Variants in LPAR3 observed in about 807,000 individuals in gnomAD.
LPAR3 encodes the protein lysophosphatidic acid receptor 3.
LPAR3 carries 7 observed loss-of-function variants against 17.8 expected under a neutral mutation model. The ratio of observed to expected loss-of-function variants is 0.39; its 90% CI spans 0.22 to 0.74. LPAR3 has a LOEUF of 0.74. Among genes scored for constraint, LPAR3 ranks in the 30% least tolerant of loss-of-function variants. The pLI is 0.40. For synonymous variants in LPAR3, 179 were observed against 179.9 expected, an observed-to-expected ratio of 0.99 and a Z score of 0.04; for missense variants, 391 against 453.4, an observed-to-expected ratio of 0.86 and a Z score of 1.25.
intron 2 of LPAR3, among the ~76,000 whole-genome samples, chr1:84,840,178 C>A (rs2102754121): frequency 6.6e-6 from 1 of 152,316 alleles, no homozygotes; most frequent in East Asian, 1.9e-4. Flanking sequence ...CCTGCCTTGG[C>A]CTCCCAAAAG....
intron 1 of LPAR3, among the ~76,000 whole-genome samples, chr1:84,889,699 C>T (rs1393621570): frequency 6.6e-6 from 1 of 152,186 alleles, no homozygotes; most frequent in Non-Finnish European, 1.5e-5. Context: ...GGAAGAACTG[C>T]AGCAGTGCCC....
chr1:84,881,945 T>C (rs1181236530), intron 1 of LPAR3, among the ~76,000 whole-genome samples: 1 of 152,200 alleles, frequency 6.6e-6, no homozygotes, highest in Non-Finnish European at 1.5e-5. Flanking sequence ...CCCACTCTTA[T>C]CACTGCTATT....
At chr1:84,827,103 C>T (rs1424236811) in intron 2 of LPAR3, among the ~76,000 whole-genome samples, 5 of 152,124 alleles carry the variant, frequency 3.3e-5, no homozygotes, top group South Asian at 2.1e-4. Context: ...AGTCATTCAA[C>T]GGTAAAACCA....
At chr1:84,820,236 CT>C (rs895010937) in intron 2 of LPAR3, among the ~76,000 whole-genome samples, 8 of 152,184 alleles carry the variant, frequency 5.3e-5, no homozygotes, top group African/African-American at 1.9e-4. Context: ...ATACATACGT[CT>C]TGTGTCTCAG....
chr1:84,843,622 G>A (rs1240101681), intron 2 of LPAR3, among the ~76,000 whole-genome samples: 8 of 152,230 alleles, frequency 5.3e-5, no homozygotes, highest in African/African-American at 1.7e-4. Context: ...GCAGAGACTC[G>A]CTGATGGATT....
chr1:84,846,816 C>T (rs1183331121), intron 2 of LPAR3, among the ~76,000 whole-genome samples: 1 of 152,004 alleles, frequency 6.6e-6, no homozygotes, highest in Admixed American at 6.5e-5. Flanking sequence ...AAGAACAAGA[C>T]AATGACAAAA....
Position 84,813,802 on chromosome 1 carries a change from C to A in LPAR3, c.*44G>T. ...AGACAGGTAATCATTCTTAACAGCT[C>A]TTTTCCCAGAGGAGGCCTGGGTGGG... On this transcript the variant is annotated 3_prime_UTR_variant, in exon 3 of 3. Coordinates refer to ENST00000370611, the MANE Select transcript of LPAR3 (RefSeq NM_012152.3). 1.3e-6 allele frequency: 2 copies of A among 1,495,164 alleles called. No homozygotes were observed. The highest frequency in any genetic ancestry group is 1.8e-6 in the Non-Finnish European group (2 of 1,084,240). 92.6% of individuals were successfully genotyped at this position (1,495,164 alleles called of 1,614,324 possible). A position where few individuals can be genotyped will look rare whatever the true frequency, so the allele number is the denominator to read the frequency against.
intron 2 of LPAR3, 88 bp downstream of exon 2, chr1:84,865,297 C>A: frequency 1.4e-6 from 2 of 1,388,202 alleles, no homozygotes; most frequent in Middle Eastern, 1.8e-4. Flanking sequence ...ATTCTTACTG[C>A]CTAGTAAGTG....
intron 2 of LPAR3, among the ~76,000 whole-genome samples, chr1:84,855,326 G>A (rs901729474): frequency 2.0e-5 from 3 of 152,134 alleles, no homozygotes; most frequent in Admixed American, 6.5e-5. Context: ...GTGATATGAC[G>A]CCTGAGTCAC....
intron 2 of LPAR3, among the ~76,000 whole-genome samples, chr1:84,843,618 A>C (rs771567779): frequency 6.6e-6 from 1 of 152,198 alleles, no homozygotes; most frequent in Non-Finnish European, 1.5e-5. Flanking sequence ...GTTGGCAGAG[A>C]CTCGCTGATG....
chr1:84,834,154 T>C (rs1361510748), intron 2 of LPAR3, among the ~76,000 whole-genome samples: 1 of 152,202 alleles, frequency 6.6e-6, no homozygotes, highest in Non-Finnish European at 1.5e-5. Flanking sequence ...AAAATTTTCA[T>C]GTCCACTTTC....
intron 1 of LPAR3, among the ~76,000 whole-genome samples, chr1:84,892,218 TAAATAAATAAATA>T (rs1343839230): frequency 4.1e-5 from 3 of 72,800 alleles, no homozygotes; most frequent in African/African-American, 1.5e-4. Context: ...GTCTCAAAAA[TAAATAAATAAATA>T]AATAAATAAA....
chr1:84,831,742 T>A (rs1659287321), intron 2 of LPAR3, among the ~76,000 whole-genome samples: 1 of 151,250 alleles, frequency 6.6e-6, no homozygotes, highest in Non-Finnish European at 1.5e-5. Flanking sequence ...CACTCTTCTG[T>A]TCTAGGTTAT....
At chr1:84,892,529 G>A (rs1015704466) in intron 1 of LPAR3, among the ~76,000 whole-genome samples, 9 of 152,216 alleles carry the variant, frequency 5.9e-5, no homozygotes, top group Non-Finnish European at 1.2e-4. Flanking sequence ...CTAGAAGCCT[G>A]CACATGGTTC....
chr1:84,878,639 C>T (rs1365699935), intron 1 of LPAR3, among the ~76,000 whole-genome samples: 1 of 152,116 alleles, frequency 6.6e-6, no homozygotes, highest in African/African-American at 2.4e-5. Context: ...TTTCAATCTA[C>T]CTCAGCTCAG....
In LPAR3 at chr1:84,813,158, T is replaced by TAGAGAGAGAGAGAGAGAGAGAG. The variant is rs1553145910; in HGVS notation, c.*687_*688insCTCTCTCTCTCTCTCTCTCTCT. On this transcript the variant is annotated 3_prime_UTR_variant, in exon 3 of 3. Coordinates refer to ENST00000370611, the MANE Select transcript of LPAR3 (RefSeq NM_012152.3). ...ATATATATATATATATATATATATA[T>TAGAGAGAGAGAGAGAGAGAGAG]AGACACACACACACACACACACACA... The TAGAGAGAGAGAGAGAGAGAGAG allele has an allele frequency of 3.0e-5, 3 of 101,682 alleles. No homozygotes were observed. The highest frequency in any genetic ancestry group is 4.2e-5 in the Non-Finnish European group (2 of 47,330). The allele number at this position is 101,682 out of a possible 1,614,324, so 6.3% of individuals were successfully genotyped here. A position where few individuals can be genotyped will look rare whatever the true frequency, so the allele number is the denominator to read the frequency against.
At chr1:84,871,920 C>A (rs116256249) in intron 1 of LPAR3, among the ~76,000 whole-genome samples, 1 of 152,126 alleles carries the variant, frequency 6.6e-6, no homozygotes, top group Admixed American at 6.5e-5. Flanking sequence ...AGCCTCCACC[C>A]GCTGCTGCAC....
intron 1 of LPAR3, among the ~76,000 whole-genome samples, chr1:84,884,318 G>C (rs1660419199): frequency 2.0e-5 from 3 of 152,216 alleles, no homozygotes; most frequent in Non-Finnish European, 4.4e-5. Context: ...CTGCTGGTGA[G>C]TATACCCTTT....
At chr1:84,827,023 G>C (rs1207803328) in intron 2 of LPAR3, among the ~76,000 whole-genome samples, 3 of 152,080 alleles carry the variant, frequency 2.0e-5, no homozygotes, top group Non-Finnish European at 4.4e-5. Flanking sequence ...TCTTTTAATG[G>C]CAGTTTCACT....
Sources: allele counts gnomAD v4.1 joint callset (sites outside exome capture counted in the v4.1 genomes callset), GRCh38; gene constraint gnomAD v4.1.1; transcripts MANE v1.5; gene names NCBI Gene and HGNC (gene_info 2026-07-23, HGNC 2026-07-21).